ZFHX3: variants seen among roughly 807,000 people sequenced by gnomAD.
ZFHX3 encodes the protein zinc finger homeobox 3.
A neutral mutation model predicts 279.1 loss-of-function variants in ZFHX3; 42 were observed. The ratio of observed to expected loss-of-function variants is 0.15; its 90% CI spans 0.12 to 0.19. The LOEUF (loss-of-function observed/expected upper bound fraction) is 0.19, where lower values mean the gene tolerates loss of function less well. ZFHX3 is among the 10% of genes least tolerant of loss of function. The probability of loss-of-function intolerance (pLI) is 1.00; values close to 1 mark genes in which losing one functional copy is unlikely to be tolerated. For missense variants in ZFHX3, 4,981 were observed against 4,754.0 expected (o/e 1.05, Z -1.40); for synonymous variants, 2,293 against 1,957.8 (o/e 1.17, Z -4.52).
chr16:73,802,680 T>A (rs1331712148), intron 1 of ZFHX3, among the ~76,000 whole-genome samples: 1 of 152,196 alleles, frequency 6.6e-6, no homozygotes, highest in Non-Finnish European at 1.5e-5. Flanking sequence ...CTGCCCTTTT[T>A]TGATGGACAC....
chr16:73,216,762 C>CA (rs1192127200), intron 5 of ZFHX3, among the ~76,000 whole-genome samples: 1 of 147,550 alleles, frequency 6.8e-6, no homozygotes, highest in Non-Finnish European at 1.5e-5. Flanking sequence ...GAGTCCATCG[C>CA]AAAAAAGAAA....
intron 1 of ZFHX3, among the ~76,000 whole-genome samples, chr16:73,771,198 A>G (rs2054013765): frequency 6.6e-6 from 1 of 152,182 alleles, no homozygotes; most frequent in African/African-American, 2.4e-5. Flanking sequence ...AAGCATTTTG[A>G]TGATCCCTAC....
intron 8 of ZFHX3, among the ~76,000 whole-genome samples, chr16:73,072,342 G>A (rs1052802215): frequency 8.6e-5 from 13 of 151,944 alleles, no homozygotes; most frequent in Non-Finnish European, 1.6e-4. Flanking sequence ...TACTCAGGAG[G>A]CTGAGGCAGG....
intron 3 of ZFHX3, among the ~76,000 whole-genome samples, chr16:73,350,177 A>T (rs1485131016): frequency 2.0e-5 from 3 of 152,020 alleles, no homozygotes; most frequent in African/African-American, 7.2e-5. Context: ...GCTGCACTGA[A>T]ATCACATCTG....
rs1416336339 is a variant in ZFHX3, at chr16:73,541,857, C to T, written c.-1546-85599G>A. On this transcript the variant is annotated intron_variant, in intron 2 of 17. Coordinates refer to the ZFHX3 transcript ENST00000641206. ...TCACTCTGTCACCCAGGCTGGAGTG[C>T]AGTGGCACATCTAGGTTCACCGCAA... 3.7e-5 allele frequency among the ~76,000 whole-genome samples: 5 copies of T among 136,698 alleles called. No homozygotes were observed. In the East Asian group the frequency reaches 1.1e-3, roughly 30 times the overall value. The allele number at this position is 136,698 out of a possible 152,430, so 89.7% of individuals were successfully genotyped here.
intron 2 of ZFHX3, among the ~76,000 whole-genome samples, chr16:73,626,220 A>T (rs1303522446): frequency 6.6e-6 from 1 of 152,122 alleles, no homozygotes; most frequent in Non-Finnish European, 1.5e-5. Flanking sequence ...TTTTATGACA[A>T]ATCTGTTGGT....
chr16:73,500,788 A>AT (rs1181291360), intron 2 of ZFHX3, among the ~76,000 whole-genome samples: 1 of 151,682 alleles, frequency 6.6e-6, no homozygotes, highest in Non-Finnish European at 1.5e-5. Context: ...GTTATTCCAA[A>AT]TTTTTTAGAT....
At chr16:73,395,589 G>A (rs2017111098) in intron 3 of ZFHX3, among the ~76,000 whole-genome samples, 1 of 151,972 alleles carries the variant, frequency 6.6e-6, no homozygotes, top group African/African-American at 2.4e-5. Flanking sequence ...ACAGCATCTA[G>A]AGTTGTAGCT....
chr16:73,847,539 C>A (rs941006019), intron 1 of ZFHX3, among the ~76,000 whole-genome samples: 1 of 152,056 alleles, frequency 6.6e-6, no homozygotes, highest in African/African-American at 2.4e-5. Context: ...ATTATAATAA[C>A]TAGAGTGACA....
intron 2 of ZFHX3, among the ~76,000 whole-genome samples, chr16:73,610,760 G>A (rs1015942401): frequency 1.1e-4 from 17 of 152,204 alleles, no homozygotes; most frequent in African/African-American, 3.9e-4. Flanking sequence ...ATCTTAGCAA[G>A]GAACAAATAT....
intron 5 of ZFHX3, among the ~76,000 whole-genome samples, chr16:73,189,525 T>C (rs1967983343): frequency 1.3e-5 from 2 of 152,208 alleles, no homozygotes; most frequent in Non-Finnish European, 2.9e-5. Context: ...GTTCTAAATA[T>C]GCCGGCTGCT....
At chr16:72,992,787 C>G (rs974971516) in intron 1 of ZFHX3, among the ~76,000 whole-genome samples, 1 of 152,210 alleles carries the variant, frequency 6.6e-6, no homozygotes, top group Non-Finnish European at 1.5e-5. Flanking sequence ...GCCGTGCACA[C>G]GAAACTCATT....
intron 5 of ZFHX3, among the ~76,000 whole-genome samples, chr16:73,179,524 T>TA (rs201545536): frequency 0.015 from 2,338 of 151,524 alleles, 58 homozygotes; most frequent in African/African-American, 0.051. Context: ...AGTGCATTAA[T>TA]AAAAAAAAAT....
chr16:73,777,914 A>T (rs921067241), intron 1 of ZFHX3, among the ~76,000 whole-genome samples: 4 of 152,120 alleles, frequency 2.6e-5, no homozygotes, highest in African/African-American at 7.2e-5. Context: ...ATGTCACAAA[A>T]TAGCAAAGTC....
intron 2 of ZFHX3, among the ~76,000 whole-genome samples, chr16:73,668,069 T>TCA (rs1465759678): frequency 2.0e-5 from 3 of 152,194 alleles, no homozygotes; most frequent in Non-Finnish European, 2.9e-5. Flanking sequence ...AAATGATAAG[T>TCA]CACCTCTACG....
At chr16:73,254,580 C>G (rs1179997265) in intron 5 of ZFHX3, among the ~76,000 whole-genome samples, 3 of 151,944 alleles carry the variant, frequency 2.0e-5, no homozygotes, top group Admixed American at 6.5e-5. Context: ...CCCCTATACT[C>G]TTCACCCAGC....
intron 7 of ZFHX3, among the ~76,000 whole-genome samples, chr16:73,123,002 G>T (rs960709066): frequency 6.6e-6 from 1 of 152,028 alleles, no homozygotes; most frequent in Non-Finnish European, 1.5e-5. Context: ...TTAAGAGACT[G>T]CCCTTTCAGA....
intron 2 of ZFHX3, among the ~76,000 whole-genome samples, chr16:73,622,617 A>G (rs145181512): frequency 6.5e-4 from 99 of 152,276 alleles, no homozygotes; most frequent in Admixed American, 3.9e-4. Context: ...CAACATTAAT[A>G]TTTACTTAAA....
At chr16:73,239,105 A>G (rs2013041261) in intron 5 of ZFHX3, among the ~76,000 whole-genome samples, 1 of 152,280 alleles carries the variant, frequency 6.6e-6, no homozygotes, top group Non-Finnish European at 1.5e-5. Context: ...ATCCCAAAAT[A>G]AACTGGGTGC....
Sources: allele counts gnomAD v4.1 joint callset (sites outside exome capture counted in the v4.1 genomes callset), GRCh38; gene constraint gnomAD v4.1.1; transcripts MANE v1.5; gene names NCBI Gene and HGNC (gene_info 2026-07-23, HGNC 2026-07-21).